Variants in CCDC22 observed in about 807,000 individuals in gnomAD.
CCDC22 encodes the protein coiled-coil domain-containing protein 22.
In CCDC22, 4 loss-of-function variants were observed where a neutral mutation model predicts 53.1. That is an observed-to-expected ratio of 0.08 (90% CI 0.04 to 0.17). The LOEUF (loss-of-function observed/expected upper bound fraction) is 0.17, where lower values mean the gene tolerates loss of function less well. Among genes scored for constraint, CCDC22 ranks in the 10% least tolerant of loss-of-function variants. CCDC22 has a pLI of 1.00. For synonymous variants in CCDC22, 222 were observed against 224.4 expected (o/e 0.99, Z 0.10); for missense variants, 458 against 554.0 (o/e 0.83, Z 1.74).
At chrX:49,245,987 T>C (rs868960834) in intron 6 of CCDC22, among the ~76,000 whole-genome samples, 1 of 110,653 alleles carries the variant, frequency 9.0e-6, no homozygotes, top group South Asian at 3.8e-4. Context: ...TTTTTTGTTT[T>C]TTTTTGTTTT....
intron 3 of CCDC22, 125 bp downstream of exon 3, chrX:49,242,273 C>T (rs2065967485): frequency 1.8e-6 from 2 of 1,107,244 alleles, no homozygotes; most frequent in Non-Finnish European, 2.4e-6. Flanking sequence ...TATGTGCCTT[C>T]AGGAGAGCTA....
chrX:49,246,667 G>A (rs1461620181), intron 6 of CCDC22, 64 bp from the exon 7 acceptor site: 3 of 984,815 alleles, frequency 3.0e-6, no homozygotes, highest in East Asian at 6.9e-5. Context: ...CCTTGGAGGA[G>A]GCAGGGCCTT....
chrX:49,235,616 C>T lies in CCDC22; in HGVS notation c.-21C>T. 8.5e-7 allele frequency: 1 copy of T among 1,170,748 alleles called. No individual in the cohort carries two copies. Among genetic ancestry groups the T allele is most frequent in the Non-Finnish European group, 1.1e-6 (1 of 873,831 alleles). On this transcript the variant is annotated 5_prime_UTR_variant, in exon 1 of 17. Transcript: ENST00000376227. The stretch of plus-strand genomic sequence containing the variant: ...CGGACCCGGTCCTGGACCCAGCCCC[C>T]GACTCCGACACGGCTCCACCATGGA...
chrX:49,249,615 G>GGGGGGGGGGGTC, intron 15 of CCDC22, 36 bp from the exon 16 acceptor site: 1 of 406,830 alleles, frequency 2.5e-6, no homozygotes. Context: ...GGGTGGGTGG[G>GGGGGGGGGGGTC]ACTGGGTGCA....
At chrX:49,247,418 C>T in intron 7 of CCDC22, 78 bp from the exon 8 acceptor site, 1 of 975,905 alleles carries the variant, frequency 1.0e-6, no homozygotes, top group South Asian at 2.1e-5. Flanking sequence ...GGGGGCAGTT[C>T]TCAGGGGAGG....
chrX:49,246,848 G>T lies in CCDC22; in HGVS notation c.832G>T (p.Ala278Ser). The T allele has an allele frequency of 8.3e-7, 1 of 1,201,657 alleles. No homozygotes were observed. ...QARDLGELLQ[A>S]WGAGAKTGAP... The stretch of plus-strand genomic sequence containing the variant: ...CCGGGACCTGGGAGAACTGCTGCAG[G>T]CCTGGGGTGCTGGGGCCAAGACTGG... The change falls in exon 7 of 17, where the codon GCC becomes TCC. Residue 278 changes from alanine (A) to serine (S), a missense_variant. This residue lies in a region of CCDC22 where 309 missense variants were observed against 312.3 expected (regional missense o/e 0.99). Transcript: ENST00000376227.
At chrX:49,247,873 G>T (rs1234866097) in intron 9 of CCDC22, 105 bp downstream of exon 9, 2 of 992,003 alleles carry the variant, frequency 2.0e-6, no homozygotes, top group Non-Finnish European at 2.8e-6. Flanking sequence ...GTCTGCACAT[G>T]GCAGAAGGGT....
At chrX:49,239,618 G>T (rs2065954305) in intron 2 of CCDC22, among the ~76,000 whole-genome samples, 1 of 110,426 alleles carries the variant, frequency 9.1e-6, no homozygotes, top group African/African-American at 3.3e-5. Context: ...CTTAGCAACA[G>T]GTCTCAGAGC....
intron 7 of CCDC22, 62 bp from the exon 8 acceptor site, chrX:49,247,434 G>A: frequency 9.3e-7 from 1 of 1,071,508 alleles, no homozygotes; most frequent in Non-Finnish European, 1.3e-6. Flanking sequence ...GGAGGCTGAG[G>A]CTGGGCCACG....
chrX:49,247,712 C>T lies in CCDC22; in HGVS notation c.1036C>T (p.Arg346Cys), dbSNP rs782401247. The T allele has an allele frequency of 1.2e-5, 14 of 1,207,341 alleles. No homozygotes were observed. The highest frequency in any genetic ancestry group is 8.7e-5 in the African/African-American group (5 of 57,273). The stretch of plus-strand genomic sequence containing the variant: ...TCGGGAGCAGCTGGAAGGAGTGAAC[C>T]GCAGCATTGAGGAGGTTGAGGCCGA... ...SLREQLEGVN[R>C]SIEEVEADMK... The change falls in exon 9 of 17, where the codon CGC becomes TGC. Residue 346 changes from arginine to cysteine, a missense_variant. Physicochemically the swap from Arg to Cys is radical, Grantham distance 180. Around this residue, in one of 4 missense-constraint regions of CCDC22, gnomAD observed 309 missense variants for 312.3 expected, o/e 0.99. Transcript: ENST00000376227.
intron 2 of CCDC22, chrX:49,239,477 T>G: frequency 1.4e-6 from 1 of 738,926 alleles, no homozygotes; most frequent in Non-Finnish European, 1.6e-6. Flanking sequence ...TGGAAACACT[T>G]TGAACTGACC....
chrX:49,240,952 G>C (rs2065960745), intron 2 of CCDC22, among the ~76,000 whole-genome samples: 1 of 112,488 alleles, frequency 8.9e-6, no homozygotes, highest in Non-Finnish European at 1.9e-5. Flanking sequence ...TGGCTTCTAA[G>C]TGTACTCTGT....
chrX:49,246,878 C>G lies in CCDC22; in HGVS notation c.862C>G (p.Pro288Ala). 2 of 1,200,515 alleles carry G rather than the reference C, an allele frequency of 1.7e-6. No homozygotes were observed. Among genetic ancestry groups the G allele is most frequent in the Non-Finnish European group, 2.2e-6 (2 of 889,678 alleles). ...AWGAGAKTGA[P>A]KGSRFTHSEK... ...GGGTGCTGGGGCCAAGACTGGTGCT[C>G]CTAAGGGCTCCCGCTTCACGCACTC... Residue 288 changes from proline to alanine, a missense_variant, in exon 7 of 17, where the codon CCT becomes GCT. Pro to Ala is a conservative substitution (Grantham distance 27). Around this residue, in one of 4 missense-constraint regions of CCDC22, gnomAD observed 309 missense variants for 312.3 expected, o/e 0.99. Transcript: ENST00000376227.
chrX:49,237,992 T>A lies in CCDC22; in HGVS notation c.228+729T>A, dbSNP rs2065945977. ...CCAGGATGGTTTTAATCTCTTGACC[T>A]CATGATCCACCTGCCTTGGCCTCCC... is the stretch of plus-strand genomic sequence containing the variant. On this transcript the variant is annotated intron_variant, in intron 2 of 16. Transcript: ENST00000376227. Among the ~76,000 whole-genome samples, 3 of 109,783 alleles carry A rather than the reference T, an allele frequency of 2.7e-5. No homozygotes were observed. In the Admixed American group the frequency reaches 2.9e-4, roughly 11 times the overall value.
Position 49,243,174 on chromosome X carries a change from T to G in CCDC22, c.525T>G (p.Ser175Arg). 8.3e-7 allele frequency: 1 copy of G among 1,211,263 alleles called. No homozygotes were observed. Among genetic ancestry groups the G allele is most frequent in the Non-Finnish European group, 1.1e-6 (1 of 894,995 alleles). Residue 175 changes from serine to arginine, a missense_variant, in exon 5 of 17, where the codon AGT becomes AGG. Transcript: ENST00000376227. ...GCAGGCTGGTCGTGCCAGAATTGAG[T>G]TCCAGAGGTGGTGAGCATGAGGCTG... is the stretch of plus-strand genomic sequence containing the variant. ...HASRLVVPEL[S>R]SRGEPREFQA...
chrX:49,247,310 C>T (rs946097143), intron 7 of CCDC22, among the ~76,000 whole-genome samples, 186 bp from the exon 8 acceptor site: 16 of 112,769 alleles, frequency 1.4e-4, no homozygotes, highest in Non-Finnish European at 5.6e-5. Context: ...GATTTCTCCA[C>T]GAGCAAGCAC....
At chrX:49,249,762 C>T (rs1400214179) in intron 16 of CCDC22, 37 bp downstream of exon 16, 16 of 1,082,288 alleles carry the variant, frequency 1.5e-5, no homozygotes, top group Non-Finnish European at 2.0e-5. Context: ...CCAAGGCGGG[C>T]CGGGGGGACA....
chrX:49,247,778 G>A lies in CCDC22; in HGVS notation c.1092+10G>A, dbSNP rs1159370684. 7.4e-6 allele frequency: 9 copies of A among 1,210,946 alleles called. No homozygotes were observed. Among genetic ancestry groups the A allele is most frequent in the East Asian group, 3.0e-5 (1 of 33,834 alleles). ...CGTCAGCTTTGTGCAGGTAAGGGGC[G>A]GAGGAGGGGCTGCGCGTTGGGCTAG... On this transcript the variant is annotated intron_variant, in intron 9 of 16. Coordinates refer to ENST00000376227, the MANE Select transcript of CCDC22 (RefSeq NM_014008.5).
rs1557114868 is a variant in CCDC22 at position 49,248,911 on chromosome X, A to G, written c.1526A>G (p.Glu509Gly). The G allele has an allele frequency of 8.3e-7, 1 of 1,210,220 alleles. No individual in the cohort carries two copies. Among genetic ancestry groups the G allele is most frequent in the South Asian group, 1.8e-5 (1 of 56,653 alleles). Residue 509 changes from glutamate to glycine, a missense_variant, in exon 13 of 17, where the codon GAA becomes GGA. This residue lies in a region of CCDC22 where 48 missense variants were observed against 83.4 expected (regional missense o/e 0.58). Coordinates refer to ENST00000376227, the MANE Select transcript of CCDC22 (RefSeq NM_014008.5). Reference protein sequence around the residue: ...EIVGNIRKQKEEITKILSDTK... With the variant: ...EIVGNIRKQKGEITKILSDTK... Reference sequence around the variant, plus strand: ...GTGGGCAACATCCGGAAGCAGAAGGAAGAGATCACCAAGGTACACTGCCAG... The same window carrying G: ...GTGGGCAACATCCGGAAGCAGAAGGGAGAGATCACCAAGGTACACTGCCAG...
Sources: allele counts gnomAD v4.1 joint callset (sites outside exome capture counted in the v4.1 genomes callset), GRCh38; gene constraint gnomAD v4.1.1; regional missense constraint gnomAD v4.1.1; transcripts MANE v1.5; gene names NCBI Gene and HGNC (gene_info 2026-07-23, HGNC 2026-07-21).